CDH3: variants seen among roughly 807,000 people sequenced by gnomAD.
The protein encoded by CDH3 is cadherin-3.
A neutral mutation model predicts 82.0 loss-of-function variants in CDH3; 54 were observed. That is an observed-to-expected ratio of 0.66 (90% CI 0.53 to 0.83). The LOEUF (loss-of-function observed/expected upper bound fraction) is 0.83, where lower values mean the gene tolerates loss of function less well. Ranked by LOEUF, CDH3 falls within the 40% of genes least tolerant of loss-of-function variation. CDH3 has a pLI of 0.00. For synonymous variants in CDH3, 446 were observed against 437.9 expected (o/e 1.02, Z -0.23); for missense variants, 1,054 against 1,084.6 (o/e 0.97, Z 0.40).
chr16:68,690,564 G>A (rs770605181), intron 12 of CDH3, among the ~76,000 whole-genome samples: 14 of 151,604 alleles, frequency 9.2e-5, no homozygotes, highest in Non-Finnish European at 1.8e-4. Context: ...AGTGAGCTGA[G>A]ATCGCGCCAC....
intron 2 of CDH3, among the ~76,000 whole-genome samples, chr16:68,650,280 C>G (rs1337370617): frequency 6.6e-6 from 1 of 152,082 alleles, no homozygotes; most frequent in Non-Finnish European, 1.5e-5. Context: ...CTGTCCCTGC[C>G]CCATTCCTTG....
intron 2 of CDH3, among the ~76,000 whole-genome samples, chr16:68,670,802 G>A (rs1488849585): frequency 6.6e-6 from 1 of 152,232 alleles, no homozygotes; most frequent in African/African-American, 2.4e-5. Flanking sequence ...GCCTGGCACA[G>A]TGGCTCATGC....
rs1488921310 is a variant in CDH3 at position 68,680,883 on chromosome 16, CCCA to C, written c.868-84_868-82del. ...AGAGATCCTCCTCTCCATCCACACACCCATGAGCCAGTGCTTCCTGGAGGTCAG... is the reference window on the plus strand; with the variant it reads ...AGAGATCCTCCTCTCCATCCACACACTGAGCCAGTGCTTCCTGGAGGTCAG... On this transcript the variant is annotated intron_variant, in intron 7 of 15. Transcript: ENST00000264012. The C allele has an allele frequency of 2.9e-5, 43 of 1,470,826 alleles. No homozygotes were observed. The East Asian group carries it at 5.7e-4, about 19-fold the overall frequency. 91.1% of individuals were successfully genotyped at this position (1,470,826 alleles called of 1,614,324 possible).
intron 13 of CDH3, among the ~76,000 whole-genome samples, chr16:68,692,513 C>T (rs748979835): frequency 5.9e-5 from 9 of 152,186 alleles, no homozygotes; most frequent in Non-Finnish European, 1.0e-4. Flanking sequence ...ACAGCATTAG[C>T]ATCACCAGGA....
intron 2 of CDH3, among the ~76,000 whole-genome samples, chr16:68,726,897 T>A (rs1434180706): frequency 6.6e-6 from 1 of 152,182 alleles, no homozygotes; most frequent in Non-Finnish European, 1.5e-5. Context: ...TCATTTTTAT[T>A]GTGTGTGATG....
At position 68,721,355 on chromosome 16, in the gene CDH3, T is replaced by C. The variant is rs550959386; in HGVS notation, c.100-1070T>C. 2.0e-5 allele frequency among the ~76,000 whole-genome samples: 3 copies of C among 147,924 alleles called. No homozygotes were observed. In the Admixed American group the frequency reaches 2.1e-4, roughly 10 times the overall value. Reference sequence around the variant, plus strand: ...TTCCAGCAATTCTCCTGCCTCAGCCTCCCGAGTTGCTGAGATTACAGGTGT... The same window carrying C: ...TTCCAGCAATTCTCCTGCCTCAGCCCCCCGAGTTGCTGAGATTACAGGTGT... On this transcript the variant is annotated intron_variant, in intron 1 of 2. Transcript: ENST00000569080.
At chr16:68,693,097 C>T (rs1597818457) in intron 13 of CDH3, among the ~76,000 whole-genome samples, 1 of 152,282 alleles carries the variant, frequency 6.6e-6, no homozygotes, top group African/African-American at 2.4e-5. Flanking sequence ...GGGCGAGACT[C>T]TGTCTTTAGA....
chr16:68,678,720 G>A, intron 5 of CDH3, 42 bp from the exon 6 acceptor site: 1 of 1,614,140 alleles, frequency 6.2e-7, no homozygotes, highest in Non-Finnish European at 8.5e-7. Flanking sequence ...GCCTGGTGAG[G>A]TGGGTGGCAC....
intron 2 of CDH3, among the ~76,000 whole-genome samples, chr16:68,673,057 C>A (rs535473978): frequency 6.6e-6 from 1 of 152,178 alleles, no homozygotes; most frequent in Non-Finnish European, 1.5e-5. Context: ...TACCCATTCT[C>A]CCTCATTGTT....
chr16:68,676,212 T>G (rs1441598448), intron 2 of CDH3, among the ~76,000 whole-genome samples, 173 bp from the exon 3 acceptor site: 1 of 152,174 alleles, frequency 6.6e-6, no homozygotes, highest in East Asian at 1.9e-4. Flanking sequence ...GGAAGCCTCC[T>G]CTGAAACTTG....
chr16:68,667,204 T>A (rs1463379519), intron 2 of CDH3, among the ~76,000 whole-genome samples: 2 of 152,208 alleles, frequency 1.3e-5, no homozygotes, highest in Non-Finnish European at 2.9e-5. Context: ...TTCCACCTAC[T>A]TTTCCCCGGT....
In CDH3 at chr16:68,684,574, C is replaced by T. The variant is rs1428391463; in HGVS notation, c.1183-9C>T. ...GGTGGTCCAGGTCCTTCTTCCTCTT[C>T]TCTCCTAGGGTTTGGATTTTGAGGC... On this transcript the variant is annotated splice_polypyrimidine_tract_variant and intron_variant, in intron 9 of 15. Transcript: ENST00000264012. 6.2e-7 allele frequency: 1 copy of T among 1,614,150 alleles called. No individual in the cohort carries two copies. The highest frequency in any genetic ancestry group is 2.2e-5 in the East Asian group (1 of 44,884).
downstream of CDH3, among the ~76,000 whole-genome samples, chr16:68,730,327 G>A (rs1288139179): frequency 1.3e-5 from 2 of 150,822 alleles, no homozygotes; most frequent in African/African-American, 4.9e-5. Context: ...GGGAGTTGGA[G>A]ACCTGCCTGA....
intron 2 of CDH3, among the ~76,000 whole-genome samples, chr16:68,674,594 G>A (rs1393782994): frequency 1.3e-5 from 2 of 151,950 alleles, no homozygotes; most frequent in East Asian, 1.9e-4. Context: ...AATTAGCCGG[G>A]TATGGTGGCA....
intron 9 of CDH3, among the ~76,000 whole-genome samples, chr16:68,683,939 T>A (rs1276930610): frequency 6.7e-6 from 1 of 149,204 alleles, no homozygotes; most frequent in Non-Finnish European, 1.5e-5. Context: ...TGGTGGCACA[T>A]GCCTGTAGTC....
chr16:68,691,943 C>T lies in CDH3; in HGVS notation c.2002+17C>T, dbSNP rs1457561264. On this transcript the variant is annotated intron_variant, in intron 13 of 15. Coordinates refer to ENST00000264012, the MANE Select transcript of CDH3 (RefSeq NM_001793.6). ...CTCTGCTGTGTGAGTACCAGGCCCC[C>T]ACCCCCTCCCTGAGGATGGGGGAGT... 4 of 1,598,840 alleles carry T rather than the reference C, an allele frequency of 2.5e-6. No homozygotes were observed. The African/African-American group carries it at 4.0e-5, about 16-fold the overall frequency.
At chr16:68,680,920 C>T (rs373798650) in intron 7 of CDH3, 48 bp from the exon 8 acceptor site, 2 of 1,611,454 alleles carry the variant, frequency 1.2e-6, no homozygotes, top group Admixed American at 1.7e-5. Context: ...AGGGGAGGGA[C>T]CCTTCAGATT....
At chr16:68,651,045 C>G (rs552881932) in intron 2 of CDH3, 2 of 420,474 alleles carry the variant, frequency 4.8e-6, no homozygotes, top group Non-Finnish European at 8.4e-6. Context: ...TGGCCTCCTC[C>G]TGGTAGTAAG....
intron 12 of CDH3, among the ~76,000 whole-genome samples, chr16:68,691,163 G>T (rs1477652277): frequency 6.6e-6 from 1 of 151,690 alleles, no homozygotes; most frequent in Admixed American, 6.6e-5. Context: ...GTGCCATCAC[G>T]CCTGGCTAAT....
Sources: allele counts gnomAD v4.1 joint callset (sites outside exome capture counted in the v4.1 genomes callset), GRCh38; gene constraint gnomAD v4.1.1; transcripts MANE v1.5; gene names NCBI Gene and HGNC (gene_info 2026-07-23, HGNC 2026-07-21).